The following KCNK2 variants were observed in gnomAD, a reference collection of about 807,000 sequenced individuals.
KCNK2 encodes potassium two pore domain channel subfamily K member 2.
KCNK2 carries 21 observed loss-of-function variants against 40.5 expected under a neutral mutation model. The observed-to-expected ratio is 0.52, with a 90% CI of 0.37 to 0.75. The LOEUF is 0.75. Ranked by LOEUF, KCNK2 falls within the 30% of genes least tolerant of loss-of-function variation. The pLI is 0.00. For missense variants in KCNK2, 399 were observed against 531.6 expected, an observed-to-expected ratio of 0.75 and a Z score of 2.45; for synonymous variants, 191 against 202.2, an observed-to-expected ratio of 0.94 and a Z score of 0.47.
chr1:215,154,424 TG>T (rs138867410), intron 3 of KCNK2, among the ~76,000 whole-genome samples: 2 of 150,434 alleles, frequency 1.3e-5, no homozygotes, highest in East Asian at 3.9e-4. Flanking sequence ...CACTTTTTGA[TG>T]GGTTTTTTTT....
chr1:215,156,628 G>A (rs558121263), intron 3 of KCNK2, among the ~76,000 whole-genome samples: 4 of 152,192 alleles, frequency 2.6e-5, no homozygotes, highest in Admixed American at 2.6e-4. Flanking sequence ...CCTGAGACTG[G>A]GTAATTTATG....
intron 1 of KCNK2, among the ~76,000 whole-genome samples, chr1:215,021,200 G>A (rs1656773379): frequency 6.6e-6 from 1 of 152,132 alleles, no homozygotes; most frequent in Non-Finnish European, 1.5e-5. Flanking sequence ...AACGGTTTAA[G>A]AAATATGATT....
intron 1 of KCNK2, among the ~76,000 whole-genome samples, chr1:215,048,405 G>A (rs1657860206): frequency 1.3e-5 from 2 of 152,136 alleles, no homozygotes; most frequent in African/African-American, 4.8e-5. Context: ...AAAAAGAAAT[G>A]CTTAGTGATT....
chr1:215,029,045 C>T (rs1657093396), intron 1 of KCNK2, among the ~76,000 whole-genome samples: 1 of 151,796 alleles, frequency 6.6e-6, no homozygotes, highest in Admixed American at 6.6e-5. Flanking sequence ...TACCCTTTAC[C>T]CCTGCCTCCA....
chr1:215,040,342 A>G (rs1457986159), intron 1 of KCNK2, among the ~76,000 whole-genome samples: 1 of 152,220 alleles, frequency 6.6e-6, no homozygotes. Context: ...ACAGATGATT[A>G]GAGAGGTTGC....
chr1:215,024,764 A>C (rs1407843939), intron 1 of KCNK2, among the ~76,000 whole-genome samples: 1 of 152,162 alleles, frequency 6.6e-6, no homozygotes, highest in Non-Finnish European at 1.5e-5. Context: ...CTATCTAGGT[A>C]CTTATCAAAC....
Position 215,006,589 on chromosome 1 carries a change from C to T in KCNK2, c.34+634C>T, listed in dbSNP as rs182709574. On this transcript the variant is annotated intron_variant, in intron 1 of 6. Transcript: ENST00000391895. Reference sequence around the variant, plus strand: ...TGAGACTTCTCACTTCACAAGAATACTGTTGTGGTCTTAGAAATGTGAATA... The same window carrying T: ...TGAGACTTCTCACTTCACAAGAATATTGTTGTGGTCTTAGAAATGTGAATA... Among the ~76,000 whole-genome samples the T allele has an allele frequency of 3.3e-5, 5 of 152,174 alleles. No individual in the cohort carries two copies. The East Asian group carries it at 9.7e-4, about 29-fold the overall frequency.
At chr1:215,059,990 C>T (rs748501471) in intron 1 of KCNK2, among the ~76,000 whole-genome samples, 34 of 152,260 alleles carry the variant, frequency 2.2e-4, no homozygotes, top group East Asian at 3.9e-4. Context: ...ATGCAGTTGA[C>T]GGCACATCAG....
At chr1:215,028,407 TAAAATAAAATAAAAAATAA>T (rs1258739203) in intron 1 of KCNK2, among the ~76,000 whole-genome samples, 2 of 152,000 alleles carry the variant, frequency 1.3e-5, no homozygotes, top group Non-Finnish European at 2.9e-5. Context: ...TAAAATAAAG[TAAAATAAAATAAAAAATAA>T]AAGAATAACT....
intron 1 of KCNK2, among the ~76,000 whole-genome samples, chr1:215,012,100 C>G (rs902010855): frequency 2.0e-5 from 3 of 152,150 alleles, no homozygotes; most frequent in African/African-American, 7.2e-5. Flanking sequence ...AGGAACAATG[C>G]TGCTCTTAAC....
At chr1:215,131,427 A>T (rs1172412011) in intron 3 of KCNK2, among the ~76,000 whole-genome samples, 4 of 146,798 alleles carry the variant, frequency 2.7e-5, no homozygotes, top group African/African-American at 9.9e-5. Context: ...ATATAATTAT[A>T]TTATTATGTA....
At chr1:215,120,135 T>G (rs1262926662) in intron 2 of KCNK2, among the ~76,000 whole-genome samples, 1 of 152,194 alleles carries the variant, frequency 6.6e-6, no homozygotes, top group African/African-American at 2.4e-5. Flanking sequence ...ACCCACATGT[T>G]GCCAGACACT....
At chr1:215,183,833 C>T (rs1664323697) in intron 5 of KCNK2, among the ~76,000 whole-genome samples, 1 of 152,098 alleles carries the variant, frequency 6.6e-6, no homozygotes, top group Non-Finnish European at 1.5e-5. Flanking sequence ...AAATTTCTTA[C>T]TTAAATATTT....
At chr1:215,145,103 A>T (rs1662357344) in intron 3 of KCNK2, among the ~76,000 whole-genome samples, 2 of 152,174 alleles carry the variant, frequency 1.3e-5, no homozygotes, top group African/African-American at 4.8e-5. Context: ...TATCATCATT[A>T]GCATCATCAT....
chr1:215,042,297 A>G (rs1006519656), intron 1 of KCNK2, among the ~76,000 whole-genome samples: 3 of 152,214 alleles, frequency 2.0e-5, no homozygotes, highest in African/African-American at 7.2e-5. Context: ...TCAGGGGCAC[A>G]AGTACTGAAC....
intron 5 of KCNK2, among the ~76,000 whole-genome samples, chr1:215,185,423 G>A (rs901625143): frequency 4.6e-5 from 7 of 152,104 alleles, no homozygotes; most frequent in African/African-American, 1.4e-4. Context: ...ATGTGGCAAC[G>A]GCTGGGTAGC....
chr1:215,095,247 G>T (rs894288665), intron 2 of KCNK2, among the ~76,000 whole-genome samples: 2 of 152,068 alleles, frequency 1.3e-5, no homozygotes, highest in African/African-American at 4.8e-5. Context: ...GCGCCTTGCA[G>T]TTCAGAAAGA....
At chr1:215,192,803 A>G (rs1371580683) in intron 5 of KCNK2, among the ~76,000 whole-genome samples, 1 of 152,164 alleles carries the variant, frequency 6.6e-6, no homozygotes, top group Admixed American at 6.5e-5. Flanking sequence ...AAAAGTAAAA[A>G]TTTTATAATA....
chr1:215,109,428 T>G (rs1660584312), intron 2 of KCNK2, among the ~76,000 whole-genome samples: 1 of 152,106 alleles, frequency 6.6e-6, no homozygotes, highest in Non-Finnish European at 1.5e-5. Flanking sequence ...TTACTTCTTT[T>G]AGCGCTCATG....
Sources: allele counts gnomAD v4.1 joint callset (sites outside exome capture counted in the v4.1 genomes callset), GRCh38; gene constraint gnomAD v4.1.1; transcripts MANE v1.5; gene names NCBI Gene and HGNC (gene_info 2026-07-23, HGNC 2026-07-21).